Variants in SLC13A4 observed in about 807,000 individuals in gnomAD.
SLC13A4 encodes the protein solute carrier family 13 member 4.
SLC13A4 carries 28 observed loss-of-function variants against 72.7 expected under a neutral mutation model. That is an observed-to-expected ratio of 0.39 (90% CI 0.29 to 0.53). SLC13A4 has a LOEUF of 0.53. Among genes scored for constraint, SLC13A4 ranks in the 20% least tolerant of loss-of-function variants. The probability of loss-of-function intolerance (pLI) is 0.78; values close to 1 mark genes in which losing one functional copy is unlikely to be tolerated. For synonymous variants in SLC13A4, 312 were observed against 325.5 expected (o/e 0.96, Z 0.45); for missense variants, 653 against 788.0 (o/e 0.83, Z 2.05).
intron 2 of SLC13A4, among the ~76,000 whole-genome samples, chr7:135,712,319 C>T (rs913447359): frequency 3.3e-5 from 5 of 151,720 alleles, no homozygotes; most frequent in Non-Finnish European, 7.4e-5. Flanking sequence ...TCGGGAGACA[C>T]GGCCTGGGGC....
chr7:135,712,272 A>G (rs933337188), intron 2 of SLC13A4, among the ~76,000 whole-genome samples: 6 of 151,440 alleles, frequency 4.0e-5, no homozygotes, highest in African/African-American at 1.2e-4. Flanking sequence ...CTCTATTCTC[A>G]TGTCTTTCCT....
At chr7:135,684,075 C>T (rs1480778232) in intron 15 of SLC13A4, 49 bp downstream of exon 15, 1 of 1,545,918 alleles carries the variant, frequency 6.5e-7, no homozygotes, top group Admixed American at 1.8e-5. Context: ...GCTGTCATCC[C>T]TGTCCTCATG....
chr7:135,688,090 C>T (rs564754039), intron 13 of SLC13A4, among the ~76,000 whole-genome samples: 6 of 152,030 alleles, frequency 3.9e-5, no homozygotes, highest in Non-Finnish European at 8.8e-5. Flanking sequence ...ATTCTCTGGC[C>T]TCAGCCTCCC....
intron 2 of SLC13A4, among the ~76,000 whole-genome samples, chr7:135,711,631 C>G (rs1160712612): frequency 2.0e-5 from 3 of 152,176 alleles, no homozygotes. Context: ...CATCTGAATC[C>G]GAAGCCTCCT....
Position 135,718,537 on chromosome 7 carries a change from A to G in SLC13A4, c.228+2858T>C, listed in dbSNP as rs1437040211. On this transcript the variant is annotated intron_variant, in intron 2 of 15. Transcript: ENST00000682651. ...ATCTCGGTGGGGAGAGCACATGTCT[A>G]TGAAAAGTTTATATCTGGTGTATCT... Among the ~76,000 whole-genome samples, 8 of 152,304 alleles carry G rather than the reference A, an allele frequency of 5.3e-5. No individual in the cohort carries two copies. The East Asian group carries it at 1.5e-3, about 29-fold the overall frequency.
At chr7:135,691,100 G>A in intron 13 of SLC13A4, 101 bp downstream of exon 13, 1 of 1,081,112 alleles carries the variant, frequency 9.2e-7, no homozygotes, top group Non-Finnish European at 1.3e-6. Flanking sequence ...GGAGGCGGAG[G>A]TTGCAGTGAG....
chr7:135,706,416 C>T lies in SLC13A4; in HGVS notation c.366-116G>A, dbSNP rs913325466. The stretch of plus-strand genomic sequence containing the variant: ...GTCTAGACAGCTGTGGCTGGAAAGG[C>T]AGGCATTTGTCCTGCAGGGTGCCAT... On this transcript the variant is annotated intron_variant, in intron 3 of 15. Transcript: ENST00000682651. 23 of 1,101,540 alleles carry T rather than the reference C, an allele frequency of 2.1e-5. No homozygotes were observed. In the African/African-American group the frequency reaches 3.1e-4, roughly 15 times the overall value. 68.2% of individuals were successfully genotyped at this position (1,101,540 alleles called of 1,614,324 possible).
intron 6 of SLC13A4, 176 bp downstream of exon 6, chr7:135,702,669 C>A: frequency 1.6e-6 from 1 of 629,352 alleles, no homozygotes; most frequent in Non-Finnish European, 2.8e-6. Context: ...AGCCACCACG[C>A]CCAGCCAATG....
intron 8 of SLC13A4, among the ~76,000 whole-genome samples, chr7:135,697,870 G>A (rs537064123): frequency 4.6e-5 from 7 of 151,972 alleles, no homozygotes; most frequent in South Asian, 2.1e-4. Context: ...GCTTACTCCC[G>A]TCCTTCAGGT....
At chr7:135,702,736 G>A in intron 6 of SLC13A4, 109 bp downstream of exon 6, 1 of 889,810 alleles carries the variant, frequency 1.1e-6, no homozygotes, top group Non-Finnish European at 1.9e-6. Context: ...GGAACTCTAA[G>A]GTGGATCTGT....
At position 135,727,688 on chromosome 7, in the gene SLC13A4, C is replaced by T. The variant is rs1796698425; in HGVS notation, c.-192G>A. ...TTTCTACAAGAGGCTGGGCTCCTGG[C>T]CTCCTGCTTTAGGTGGGATTGATGA... On this transcript the variant is annotated 5_prime_UTR_variant, in exon 1 of 16. Transcript: ENST00000682651. The T allele has an allele frequency of 1.7e-6, 1 of 603,598 alleles. No homozygotes were observed. The highest frequency in any genetic ancestry group is 2.7e-6 in the Non-Finnish European group (1 of 364,852). 37.4% of individuals were successfully genotyped at this position (603,598 alleles called of 1,614,324 possible).
intron 2 of SLC13A4, among the ~76,000 whole-genome samples, chr7:135,712,691 C>T (rs933156601): frequency 1.3e-5 from 2 of 152,110 alleles, no homozygotes; most frequent in Non-Finnish European, 2.9e-5. Flanking sequence ...CACAGGGCTG[C>T]TTTTTCATTT....
intron 2 of SLC13A4, among the ~76,000 whole-genome samples, chr7:135,713,621 A>G (rs557776562): frequency 1.3e-5 from 2 of 152,190 alleles, no homozygotes; most frequent in African/African-American, 4.8e-5. Flanking sequence ...TCTGTTGCCC[A>G]GGCTGGAGTG....
At chr7:135,702,973 G>T in intron 5 of SLC13A4, 89 bp from the exon 6 acceptor site, 2 of 904,520 alleles carry the variant, frequency 2.2e-6, no homozygotes, top group Non-Finnish European at 1.8e-6. Flanking sequence ...TTGGTGTAAG[G>T]GACTTAAACT....
Position 135,684,261 on chromosome 7 carries a change from A to G in SLC13A4, c.1609T>C (p.Ser537Pro). ...TIFLPILCSL[S>P]ETLHINPLYT... ...AGGGGGTTAATGTGCAGCGTTTCAG[A>G]CTAGAAGAGAGAATTCACAGAAACA... The change falls in exon 15 of 16, where the codon TCT becomes CCT. Residue 537 changes from serine (S) to proline (P), a missense_variant and splice_region_variant. By Grantham distance (74) the Ser-to-Pro change is moderately conservative. Coordinates refer to ENST00000682651, the MANE Select transcript of SLC13A4 (RefSeq NM_001318192.2). 6.3e-7 allele frequency: 1 copy of G among 1,592,846 alleles called. No individual in the cohort carries two copies. Among genetic ancestry groups the G allele is most frequent in the Non-Finnish European group, 8.6e-7 (1 of 1,166,400 alleles).
At chr7:135,706,425 G>A in intron 3 of SLC13A4, 125 bp from the exon 4 acceptor site, 1 of 943,182 alleles carries the variant, frequency 1.1e-6, no homozygotes, top group Non-Finnish European at 1.6e-6. Flanking sequence ...GCAGGCATTT[G>A]TCCTGCAGGG....
In SLC13A4 at chr7:135,727,680, G is replaced by GCCCCTGGC. The variant is rs1268908932; in HGVS notation, c.-185_-184insGCCAGGGG. On this transcript the variant is annotated 5_prime_UTR_variant, in exon 1 of 16. Transcript: ENST00000682651. The stretch of plus-strand genomic sequence containing the variant: ...CCTCGCTGTTTCTACAAGAGGCTGG[G>GCCCCTGGC]CTCCTGGCCTCCTGCTTTAGGTGGG... The GCCCCTGGC allele has an allele frequency of 3.1e-6, 2 of 641,310 alleles. No individual in the cohort carries two copies. Among genetic ancestry groups the GCCCCTGGC allele is most frequent in the East Asian group, 5.9e-5 (2 of 34,162 alleles). 39.7% of individuals were successfully genotyped at this position (641,310 alleles called of 1,614,324 possible). A position where few individuals can be genotyped will look rare whatever the true frequency, so the allele number is the denominator to read the frequency against.
intron 2 of SLC13A4, among the ~76,000 whole-genome samples, chr7:135,709,508 C>T (rs1278851096): frequency 6.6e-6 from 1 of 151,840 alleles, no homozygotes; most frequent in Admixed American, 6.6e-5. Context: ...CAGCCTCAAC[C>T]TCCCAGGCTC....
At chr7:135,705,459 G>A (rs924176405) in intron 5 of SLC13A4, 137 bp downstream of exon 5, 1 of 734,612 alleles carries the variant, frequency 1.4e-6, no homozygotes, top group Non-Finnish European at 2.3e-6. Context: ...GTTGGGCGGG[G>A]TGGGGGGGTG....
Sources: allele counts gnomAD v4.1 joint callset (sites outside exome capture counted in the v4.1 genomes callset), GRCh38; gene constraint gnomAD v4.1.1; transcripts MANE v1.5; gene names NCBI Gene and HGNC (gene_info 2026-07-23, HGNC 2026-07-21).